The following NEIL3 variants were observed in gnomAD, a reference collection of about 807,000 sequenced individuals.
The protein encoded by NEIL3 is endonuclease 8-like 3.
NEIL3 carries 48 observed loss-of-function variants against 57.5 expected under a neutral mutation model. The observed-to-expected ratio is 0.83, with a 90% CI of 0.66 to 1.06. NEIL3 has a LOEUF of 1.06. Ranked by LOEUF, NEIL3 falls within the 50% of genes least tolerant of loss-of-function variation. NEIL3 has a pLI of 0.00. For synonymous variants in NEIL3, 261 were observed against 253.2 expected (o/e 1.03, Z -0.29); for missense variants, 717 against 739.1 (o/e 0.97, Z 0.35).
chr4:177,310,011 C>T lies in NEIL3; in HGVS notation c.58C>T (p.Pro20Ser). 2 of 1,610,620 alleles carry T rather than the reference C, an allele frequency of 1.2e-6. No individual in the cohort carries two copies. The highest frequency in any genetic ancestry group is 1.7e-6 in the Non-Finnish European group (2 of 1,178,962). Residue 20 changes from proline (P) to serine (S), a missense_variant, in exon 1 of 10, where the codon CCG (proline) becomes TCG (serine). Transcript: ENST00000264596. ...NGEKIRARVLPGQAVTGVRGS... is the reference protein window; with the variant it reads ...NGEKIRARVLSGQAVTGVRGS... ...AGAGAAGATTCGCGCGCGGGTGCTC[C>T]CGGGCCAGGCGGTGACCGGCGTGCG... is the stretch of plus-strand genomic sequence containing the variant.
At chr4:177,322,415 T>A in intron 1 of NEIL3, 44 bp from the exon 2 acceptor site, 1 of 1,596,102 alleles carries the variant, frequency 6.3e-7, no homozygotes, top group Middle Eastern at 1.7e-4. Flanking sequence ...TGCTTAGAGT[T>A]TGTGTGTGTG....
chr4:177,314,806 G>A lies in NEIL3; in HGVS notation c.156+4697G>A, dbSNP rs144968219. Among the ~76,000 whole-genome samples, 372 of 152,186 alleles carry A rather than the reference G, an allele frequency of 2.4e-3. 13 individuals are homozygous for A. In the South Asian group the frequency reaches 0.055, roughly 23 times the overall value. Reference sequence around the variant, plus strand: ...AAAAGTGTTGTTGTAGGCCGGGCGCGGTGGCTCACACCTGTAATTCCAGCA... The same window carrying A: ...AAAAGTGTTGTTGTAGGCCGGGCGCAGTGGCTCACACCTGTAATTCCAGCA... On this transcript the variant is annotated intron_variant, in intron 1 of 9. Coordinates refer to ENST00000264596, the MANE Select transcript of NEIL3 (RefSeq NM_018248.3).
chr4:177,333,288 C>T (rs1306911400), intron 2 of NEIL3, among the ~76,000 whole-genome samples: 1 of 152,076 alleles, frequency 6.6e-6, no homozygotes, highest in African/African-American at 2.4e-5. Flanking sequence ...ACAGTGATAG[C>T]TTGGAGAATA....
chr4:177,354,457 T>A (rs1054447872), intron 8 of NEIL3, among the ~76,000 whole-genome samples: 2 of 152,184 alleles, frequency 1.3e-5, no homozygotes, highest in Non-Finnish European at 2.9e-5. Flanking sequence ...GTATACTGTG[T>A]TCTAAAAGGA....
chr4:177,345,430 T>A (rs1296120146), intron 6 of NEIL3, among the ~76,000 whole-genome samples: 4 of 151,658 alleles, frequency 2.6e-5, no homozygotes, highest in Non-Finnish European at 5.9e-5. Context: ...TGGTTGCCAG[T>A]CAATGAGAAT....
chr4:177,323,943 G>A (rs1410529270), intron 2 of NEIL3, among the ~76,000 whole-genome samples: 4 of 152,144 alleles, frequency 2.6e-5, no homozygotes, highest in Non-Finnish European at 5.9e-5. Flanking sequence ...GAGTACCTAT[G>A]TCAGTATATG....
intron 2 of NEIL3, among the ~76,000 whole-genome samples, chr4:177,331,377 C>A (rs1734881964): frequency 1.3e-5 from 2 of 151,720 alleles, no homozygotes; most frequent in Admixed American, 6.6e-5. Context: ...TTTGGTTTCT[C>A]TGCTGAAATA....
rs189777402 is a variant in NEIL3 at position 177,317,170 on chromosome 4, T to C, written c.157-5289T>C. Reference sequence around the variant, plus strand: ...ATGTATGTTACAATATTAACATTCATCAGGCGATAAACATCTTTTTTCAAC... The same window carrying C: ...ATGTATGTTACAATATTAACATTCACCAGGCGATAAACATCTTTTTTCAAC... On this transcript the variant is annotated intron_variant, in intron 1 of 9. Coordinates refer to ENST00000264596, the MANE Select transcript of NEIL3 (RefSeq NM_018248.3). Among the ~76,000 whole-genome samples the C allele has an allele frequency of 7.2e-5, 11 of 152,350 alleles. No homozygotes were observed. In the East Asian group the frequency reaches 9.6e-4, roughly 13 times the overall value.
intron 2 of NEIL3, among the ~76,000 whole-genome samples, chr4:177,331,791 T>A (rs1734889610): frequency 6.6e-6 from 1 of 152,150 alleles, no homozygotes; most frequent in Admixed American, 6.5e-5. Flanking sequence ...AGGGATTGAG[T>A]GAGTCTAGTA....
the NEIL3 span, among the ~76,000 whole-genome samples, chr4:177,368,836 A>G: frequency 6.6e-6 from 1 of 152,196 alleles, no homozygotes; most frequent in Non-Finnish European, 1.5e-5. Context: ...TTACAGATAT[A>G]CAGGCCAAAA....
At position 177,310,051 on chromosome 4, in the gene NEIL3, G is replaced by C; in HGVS notation, c.98G>C (p.Arg33Pro). 6.2e-7 allele frequency: 1 copy of C among 1,608,348 alleles called. No homozygotes were observed. ...ACCGGCGTGCGGGGAAGCGCTCTGC[G>C]GAGTCTGCAGGGCCGCGCCTTGCGG... Reference protein sequence around the residue: ...AVTGVRGSALRSLQGRALRLA... With the variant: ...AVTGVRGSALPSLQGRALRLA... The change falls in exon 1 of 10, where the codon CGG becomes CCG. Residue 33 changes from arginine to proline, a missense_variant. Arg to Pro is a moderately radical substitution (Grantham distance 103, BLOSUM62 -2). Coordinates refer to ENST00000264596, the MANE Select transcript of NEIL3 (RefSeq NM_018248.3).
chr4:177,353,918 A>G (rs1735419359), intron 8 of NEIL3, 190 bp downstream of exon 8: 1 of 562,390 alleles, frequency 1.8e-6, no homozygotes, highest in East Asian at 3.1e-5. Context: ...GGCACATGCC[A>G]TCAGGCCCGA....
chr4:177,336,626 A>G (rs1376844713), intron 4 of NEIL3, among the ~76,000 whole-genome samples: 1 of 152,186 alleles, frequency 6.6e-6, no homozygotes, highest in African/African-American at 2.4e-5. Context: ...TACTTATTAT[A>G]CTGATTGTTT....
chr4:177,356,375 T>C (rs1001141771), intron 8 of NEIL3, among the ~76,000 whole-genome samples: 4 of 152,134 alleles, frequency 2.6e-5, no homozygotes, highest in African/African-American at 9.7e-5. Flanking sequence ...GTATTGAATA[T>C]AAGAACACCA....
intron 1 of NEIL3, among the ~76,000 whole-genome samples, chr4:177,321,032 C>T (rs1400553729): frequency 2.6e-5 from 4 of 151,176 alleles, no homozygotes; most frequent in East Asian, 1.9e-4. Flanking sequence ...TTAACAAAGA[C>T]CAATTTAGTG....
Position 177,324,956 on chromosome 4 carries a change from GATAGATAGA to G in NEIL3, c.278+2377_278+2385del, listed in dbSNP as rs1560910052. On this transcript the variant is annotated intron_variant, in intron 2 of 9. Coordinates refer to ENST00000264596, the MANE Select transcript of NEIL3 (RefSeq NM_018248.3). ...TGGACTAAAATTTAAAAAACAGATA[GATAGATAGA>G]TAGATAGATAGATAGATAGATAAGT... Among the ~76,000 whole-genome samples the G allele has an allele frequency of 9.7e-3, 1,226 of 126,568 alleles. 14 individuals carry two copies. Among genetic ancestry groups the G allele is most frequent in the African/African-American group, 0.031 (1,164 of 37,310 alleles). 83.0% of individuals were successfully genotyped at this position (126,568 alleles called of 152,430 possible). A position where few individuals can be genotyped will look rare whatever the true frequency, so the allele number is the denominator to read the frequency against.
At chr4:177,345,474 T>TTTA (rs1553988531) in intron 6 of NEIL3, among the ~76,000 whole-genome samples, 17 of 151,194 alleles carry the variant, frequency 1.1e-4, no homozygotes, top group East Asian at 3.9e-4. Flanking sequence ...CTTTTTTTTT[T>TTTA]TTATTATTAT....
Position 177,335,786 on chromosome 4 carries a change from A to G in NEIL3, c.377A>G (p.Asp126Gly). ...SPVLEVQLTK[D>G]LICFFDSSVE... ...GTTTTGGAAGTGCAGCTCACCAAAG[A>G]TTTGATTTGTTTCTTTGACTCATCA... The change falls in exon 3 of 10, where the codon GAT (aspartate) becomes GGT (glycine). Residue 126 changes from aspartate to glycine, a missense_variant. By Grantham distance (94) the Asp-to-Gly change is moderately conservative. Transcript: ENST00000264596. 1 of 1,581,156 alleles carries G rather than the reference A, an allele frequency of 6.3e-7. No homozygotes were observed. The highest frequency in any genetic ancestry group is 8.6e-7 in the Non-Finnish European group (1 of 1,168,182).
At chr4:177,361,289 G>A (rs553429848) in intron 9 of NEIL3, among the ~76,000 whole-genome samples, 5 of 152,240 alleles carry the variant, frequency 3.3e-5, no homozygotes, top group East Asian at 3.9e-4. Flanking sequence ...GGTATTCCTC[G>A]GTGTGAGCAT....
Sources: allele counts gnomAD v4.1 joint callset (sites outside exome capture counted in the v4.1 genomes callset), GRCh38; gene constraint gnomAD v4.1.1; transcripts MANE v1.5; gene names NCBI Gene and HGNC (gene_info 2026-07-23, HGNC 2026-07-21).